ERVMER34-1: variants seen among roughly 807,000 people sequenced by gnomAD.
ERVMER34-1 encodes the protein endogenous retrovirus group MER34 member 1, envelope.
For synonymous variants in ERVMER34-1, 199 were observed against 111.7 expected (o/e 1.78, Z -4.93); for missense variants, 471 against 295.1 (o/e 1.60, Z -4.37).
At chr4:52,748,127 C>T (rs527462037) in intron 2 of ERVMER34-1, 129 of 173,920 alleles carry the variant, frequency 7.4e-4, no homozygotes, top group African/African-American at 2.9e-3. Flanking sequence ...TCTTAAATCA[C>T]CCTTTCTTGT....
At chr4:52,747,262 C>G in intron 2 of ERVMER34-1, among the ~76,000 whole-genome samples, 1 of 151,984 alleles carries the variant, frequency 6.6e-6, no homozygotes, top group East Asian at 1.9e-4. Flanking sequence ...AACAAAAAAC[C>G]TTTCCAGCTG....
chr4:52,750,113 C>T (rs896040954), intron 2 of ERVMER34-1, among the ~76,000 whole-genome samples: 1 of 152,150 alleles, frequency 6.6e-6, no homozygotes, highest in South Asian at 2.1e-4. Context: ...ATTCTCCTGC[C>T]TCAGCCTCCC....
intron 2 of ERVMER34-1, among the ~76,000 whole-genome samples, chr4:52,747,705 G>A (rs1304311108): frequency 6.6e-6 from 1 of 152,122 alleles, no homozygotes; most frequent in Non-Finnish European, 1.5e-5. Context: ...GGCTCACTTA[G>A]CAAAACAGCT....
At chr4:52,749,231 G>A (rs897502023) in intron 2 of ERVMER34-1, among the ~76,000 whole-genome samples, 13 of 152,114 alleles carry the variant, frequency 8.5e-5, no homozygotes, top group African/African-American at 3.1e-4. Context: ...CCTATGTAGT[G>A]ACCTCAGCTG....
At position 52,744,078 on chromosome 4, in the gene ERVMER34-1, T is replaced by C. The variant is rs565393789; in HGVS notation, c.1443A>G (p.Ala481=). The change falls in exon 3 of 3, where the codon GCA becomes GCG. Residue 481 remains alanine, a synonymous_variant. Transcript: ENST00000443173. ...VPLLDWQGIF[A]KVGDWFRSWG... ...ATGATCTGAACCAGTCTCCCACTTT[T>C]GCAAATATGCCTTGCCAATCAAGTA... The C allele has an allele frequency of 2.8e-6, 2 of 704,466 alleles. No individual in the cohort carries two copies. The highest frequency in any genetic ancestry group is 3.0e-5 in the South Asian group (2 of 67,604). 43.6% of individuals were successfully genotyped at this position (704,466 alleles called of 1,614,324 possible).
In ERVMER34-1 at chr4:52,744,234, C is replaced by T. The variant is rs893351371; in HGVS notation, c.1287G>A (p.Pro429=). Residue 429 remains proline, a synonymous_variant, in exon 3 of 3, where the codon CCG becomes CCA. Coordinates refer to ENST00000443173, the MANE Select transcript of ERVMER34-1 (RefSeq NM_001242690.2). ...ASRKDHVLDI[P]TTQRQTACGT... ...CACAAGCCGTTTGTCGTTGGGTGGT[C>T]GGTATATCCAAGACATGATCCTTTC... 2.4e-5 allele frequency: 17 copies of T among 703,890 alleles called. No individual in the cohort carries two copies. The highest frequency in any genetic ancestry group is 8.7e-5 in the African/African-American group (5 of 57,210). 43.6% of individuals were successfully genotyped at this position (703,890 alleles called of 1,614,324 possible). A position where few individuals can be genotyped will look rare whatever the true frequency, so the allele number is the denominator to read the frequency against.
Position 52,745,531 on chromosome 4 carries a change from C to T in ERVMER34-1, c.-11G>A, listed in dbSNP as rs1189256664. 3 of 701,352 alleles carry T rather than the reference C, an allele frequency of 4.3e-6. No homozygotes were observed. The highest frequency in any genetic ancestry group is 3.0e-5 in the South Asian group (2 of 67,362). The allele number at this position is 701,352 out of a possible 1,614,324, so 43.4% of individuals were successfully genotyped here. A position where few individuals can be genotyped will look rare whatever the true frequency, so the allele number is the denominator to read the frequency against. ...TGAAAGGGAGCCCATAGTGGAGGAACAGGCTAGATTAAAACAAGCAAACTC... is the reference window on the plus strand; with the variant it reads ...TGAAAGGGAGCCCATAGTGGAGGAATAGGCTAGATTAAAACAAGCAAACTC... On this transcript the variant is annotated 5_prime_UTR_variant, in exon 3 of 3. Coordinates refer to ENST00000443173, the MANE Select transcript of ERVMER34-1 (RefSeq NM_001242690.2).
At position 52,743,583 on chromosome 4, in the gene ERVMER34-1, T is replaced by G. The variant is rs1013607681; in HGVS notation, c.*246A>C. 2.4e-6 allele frequency: 1 copy of G among 414,146 alleles called. No homozygotes were observed. The allele number at this position is 414,146 out of a possible 1,614,324, so 25.7% of individuals were successfully genotyped here. A position where few individuals can be genotyped will look rare whatever the true frequency, so the allele number is the denominator to read the frequency against. On this transcript the variant is annotated 3_prime_UTR_variant, in exon 3 of 3. Coordinates refer to ENST00000443173, the MANE Select transcript of ERVMER34-1 (RefSeq NM_001242690.2). The stretch of plus-strand genomic sequence containing the variant: ...AAGAACACTACAAAGAGTAGCTCTC[T>G]GAACAGCAAGGGGTAAGGGTTTACA...
intron 2 of ERVMER34-1, among the ~76,000 whole-genome samples, chr4:52,748,922 C>T (rs533174081): frequency 6.6e-6 from 1 of 152,160 alleles, no homozygotes; most frequent in Admixed American, 6.5e-5. Context: ...GTGGTGCAAG[C>T]ATGGCTCACT....
Position 52,743,684 on chromosome 4 carries a change from C to T in ERVMER34-1, c.*145G>A, listed in dbSNP as rs1344225514. 1.5e-6 allele frequency: 1 copy of T among 659,412 alleles called. No individual in the cohort carries two copies. The highest frequency in any genetic ancestry group is 2.3e-5 in the South Asian group (1 of 43,832). 40.8% of individuals were successfully genotyped at this position (659,412 alleles called of 1,614,324 possible). On this transcript the variant is annotated 3_prime_UTR_variant, in exon 3 of 3. Transcript: ENST00000443173. ...GTTCTGATAAGGCTTATTTACAATA[C>T]CTTGGGAGGTCCTAGTGCTAAGTGC...
In ERVMER34-1 at chr4:52,744,135, G is replaced by A. The variant is rs561419730; in HGVS notation, c.1386C>T (p.His462=). 3.4e-5 allele frequency: 24 copies of A among 704,130 alleles called. No homozygotes were observed. The highest frequency in any genetic ancestry group is 4.7e-5 in the Non-Finnish European group (18 of 385,016). 43.6% of individuals were successfully genotyped at this position (704,130 alleles called of 1,614,324 possible). A position where few individuals can be genotyped will look rare whatever the true frequency, so the allele number is the denominator to read the frequency against. Residue 462 remains histidine, a synonymous_variant, in exon 3 of 3, where the codon CAC becomes CAT. Transcript: ENST00000443173. The stretch of plus-strand genomic sequence containing the variant: ...CATTCTTCAGGTTCTCGGATGCTTC[G>A]TGGAGACGCTGTATATTAGACTTTA... ...EEIKSNIQRL[H]EASENLKNVP...
chr4:52,750,041 C>T (rs188464338), intron 2 of ERVMER34-1, among the ~76,000 whole-genome samples: 47 of 152,220 alleles, frequency 3.1e-4, no homozygotes, highest in African/African-American at 1.0e-3. Context: ...CTCTGTTGCT[C>T]GGGCTGGAGT....
intron 2 of ERVMER34-1, among the ~76,000 whole-genome samples, chr4:52,747,204 G>A (rs540299400): frequency 1.3e-5 from 2 of 151,550 alleles, no homozygotes; most frequent in South Asian, 2.1e-4. Context: ...ACTCCAGGCT[G>A]GGTGACAGAG....
Position 52,744,409 on chromosome 4 carries a change from G to A in ERVMER34-1, c.1112C>T (p.Thr371Ile). Reference protein sequence around the residue: ...PLYCNPKDNSTIRALFPSLGT... With the variant: ...PLYCNPKDNSIIRALFPSLGT... ...CAAACTTGGAAAAAGGGCCCTTATT[G>A]TTGAATTGTCCTTGGGGTTGCAATA... The change falls in exon 3 of 3, where the codon ACA becomes ATA. Residue 371 changes from threonine (T) to isoleucine (I), a missense_variant. Physicochemically the swap from Thr to Ile is moderately conservative, Grantham distance 89. Transcript: ENST00000443173. 1 of 704,082 alleles carries A rather than the reference G, an allele frequency of 1.4e-6. No individual in the cohort carries two copies. Among genetic ancestry groups the A allele is most frequent in the Non-Finnish European group, 2.6e-6 (1 of 384,988 alleles). The allele number at this position is 704,082 out of a possible 1,614,324, so 43.6% of individuals were successfully genotyped here. A position where few individuals can be genotyped will look rare whatever the true frequency, so the allele number is the denominator to read the frequency against.
At position 52,745,620 on chromosome 4, in the gene ERVMER34-1, C is replaced by A; in HGVS notation, c.-100G>T. The A allele has an allele frequency of 1.6e-6, 1 of 627,616 alleles. No individual in the cohort carries two copies. The highest frequency in any genetic ancestry group is 1.9e-5 in the South Asian group (1 of 52,350). The allele number at this position is 627,616 out of a possible 1,614,324, so 38.9% of individuals were successfully genotyped here. A position where few individuals can be genotyped will look rare whatever the true frequency, so the allele number is the denominator to read the frequency against. On this transcript the variant is annotated 5_prime_UTR_variant, in exon 3 of 3. Coordinates refer to ENST00000443173, the MANE Select transcript of ERVMER34-1 (RefSeq NM_001242690.2). ...TAAATTTCTAAGTCAGAGAATTTTC[C>A]AGGTTGAGGAGGGAAGATGTTTCAG...
At position 52,749,030 on chromosome 4, in the gene ERVMER34-1, A is replaced by T. The variant is rs180711411; in HGVS notation, c.-424+1900T>A. On this transcript the variant is annotated intron_variant, in intron 2 of 2. Coordinates refer to ENST00000443173, the MANE Select transcript of ERVMER34-1 (RefSeq NM_001242690.2). ...ACCACCATACCTGGCTTCCTTTTTT[A>T]AAAAAAATTATTTTTAATAGGGACA... is the stretch of plus-strand genomic sequence containing the variant. Among the ~76,000 whole-genome samples the T allele has an allele frequency of 1.0e-2, 1,512 of 151,766 alleles. 26 individuals carry two copies. The highest frequency in any genetic ancestry group is 0.034 in the African/African-American group (1,408 of 41,360).
chr4:52,749,434 CAT>C (rs1368109782), intron 2 of ERVMER34-1, among the ~76,000 whole-genome samples: 1 of 152,176 alleles, frequency 6.6e-6, no homozygotes, highest in Non-Finnish European at 1.5e-5. Flanking sequence ...CTCCACATCA[CAT>C]GATTGCCTTA....
chr4:52,748,104 T>TAA (rs34983829), intron 2 of ERVMER34-1: 3,980 of 158,658 alleles, frequency 0.025, 180 homozygotes, highest in African/African-American at 0.089. Context: ...GCAAACCCTG[T>TAA]AAAAAAAAAA....
chr4:52,745,165 A>G lies in ERVMER34-1; in HGVS notation c.356T>C (p.Leu119Ser). 1.4e-6 allele frequency: 1 copy of G among 704,138 alleles called. No individual in the cohort carries two copies. The highest frequency in any genetic ancestry group is 2.6e-6 in the Non-Finnish European group (1 of 385,014). 43.6% of individuals were successfully genotyped at this position (704,138 alleles called of 1,614,324 possible). ...QGLSFAQVRL[L>S]EGNFSLCVEN... ...TACGCAAAGAGAAAAATTTCCCTCC[A>G]ATAACCTTACTTGAGCAAAGGATAG... Residue 119 changes from leucine (L) to serine (S), a missense_variant, in exon 3 of 3, where the codon TTG becomes TCG. Leu to Ser is a moderately radical substitution (Grantham distance 145). Coordinates refer to ENST00000443173, the MANE Select transcript of ERVMER34-1 (RefSeq NM_001242690.2).
Sources: allele counts gnomAD v4.1 joint callset (sites outside exome capture counted in the v4.1 genomes callset), GRCh38; gene constraint gnomAD v4.1.1; transcripts MANE v1.5; gene names NCBI Gene and HGNC (gene_info 2026-07-23, HGNC 2026-07-21).